Variants in TMEM106B observed in about 807,000 individuals in gnomAD.
TMEM106B encodes the protein transmembrane protein 106B.
A neutral mutation model predicts 31.1 loss-of-function variants in TMEM106B; 15 were observed. The observed-to-expected ratio is 0.48, with a 90% CI of 0.32 to 0.74. TMEM106B has a LOEUF of 0.74. Ranked by LOEUF, TMEM106B falls within the 30% of genes least tolerant of loss-of-function variation. TMEM106B has a pLI of 0.03. For missense variants in TMEM106B, 283 were observed against 327.3 expected, an observed-to-expected ratio of 0.86 and a Z score of 1.04; for synonymous variants, 126 against 112.5, an observed-to-expected ratio of 1.12 and a Z score of -0.76.
At position 12,229,780 on chromosome 7, in the gene TMEM106B, A is replaced by C. The variant is rs775983188; in HGVS notation, c.543A>C (p.Leu181Phe). The change falls in exon 5 of 8, where the codon TTA becomes TTC. Residue 181 changes from leucine to phenylalanine, a missense_variant. Around this residue, in one of 3 missense-constraint regions of TMEM106B, gnomAD observed 201 missense variants for 211.5 expected, o/e 0.95. Transcript: ENST00000396668. The part of the protein sequence containing the change: ...FSKTVIGKAR[L>F]NNITIIGPLD... ...AAACAGTTATTGGAAAGGCACGCTT[A>C]AACAACATAACCATTATTGGTCCAC... 3.1e-6 allele frequency: 5 copies of C among 1,611,450 alleles called. No individual in the cohort carries two copies. Among genetic ancestry groups the C allele is most frequent in the African/African-American group, 1.3e-5 (1 of 74,822 alleles).
chr7:12,215,401 ATT>A (rs536072939), intron 2 of TMEM106B, among the ~76,000 whole-genome samples: 28 of 135,430 alleles, frequency 2.1e-4, no homozygotes, highest in Admixed American at 2.2e-4. Flanking sequence ...TTGTTGACCT[ATT>A]TTTTTTTTTT....
At chr7:12,213,864 G>A (rs1372293811) in intron 1 of TMEM106B, among the ~76,000 whole-genome samples, 1 of 152,108 alleles carries the variant, frequency 6.6e-6, no homozygotes, top group African/African-American at 2.4e-5. Context: ...CTCTGTCAAG[G>A]GCATTCCAAA....
At position 12,211,388 on chromosome 7, in the gene TMEM106B, C is replaced by G. The variant is rs1781570033; in HGVS notation, c.-40C>G. The G allele has an allele frequency of 6.6e-6, 1 of 152,412 alleles. No homozygotes were observed. The highest frequency in any genetic ancestry group is 2.4e-5 in the African/African-American group (1 of 41,478). 9.4% of individuals were successfully genotyped at this position (152,412 alleles called of 1,614,324 possible). A position where few individuals can be genotyped will look rare whatever the true frequency, so the allele number is the denominator to read the frequency against. Reference sequence around the variant, plus strand: ...GACCCTGTCCTCGGCCCTGTCCGCGCCGAAGCAGCCCGGGACTGCGCAGCG... The same window carrying G: ...GACCCTGTCCTCGGCCCTGTCCGCGGCGAAGCAGCCCGGGACTGCGCAGCG... On this transcript the variant is annotated 5_prime_UTR_variant, in exon 1 of 8. Coordinates refer to ENST00000396668, the MANE Select transcript of TMEM106B (RefSeq NM_001134232.2).
intron 1 of TMEM106B, among the ~76,000 whole-genome samples, chr7:12,212,773 C>T (rs752232006): frequency 2.6e-5 from 4 of 152,056 alleles, no homozygotes; most frequent in Non-Finnish European, 4.4e-5. Flanking sequence ...TCAGGCATGC[C>T]AGTTCTAGAA....
At chr7:12,224,479 T>C in intron 4 of TMEM106B, 94 bp downstream of exon 4, 2 of 1,017,402 alleles carry the variant, frequency 2.0e-6, no homozygotes, top group Non-Finnish European at 2.9e-6. Context: ...GTTTGTTAAA[T>C]GTGACACTGG....
At position 12,229,669 on chromosome 7, in the gene TMEM106B, T is replaced by A. The variant is rs1156369883; in HGVS notation, c.442-10T>A. ...CTAACTTGTAAATTTTCTGTGTCCT[T>A]TTTTTGTAGAACACACTAAATATAA... On this transcript the variant is annotated splice_polypyrimidine_tract_variant and intron_variant, in intron 4 of 7. Coordinates refer to ENST00000396668, the MANE Select transcript of TMEM106B (RefSeq NM_001134232.2). The A allele has an allele frequency of 2.6e-6, 4 of 1,536,106 alleles. No individual in the cohort carries two copies. The highest frequency in any genetic ancestry group is 2.6e-6 in the Non-Finnish European group (3 of 1,143,978).
At chr7:12,230,669 T>C in intron 6 of TMEM106B, 1 of 356,786 alleles carries the variant, frequency 2.8e-6, no homozygotes, top group Non-Finnish European at 4.9e-6. Flanking sequence ...GGTTATACCA[T>C]GTCACTTTAT....
At chr7:12,218,362 A>T in intron 2 of TMEM106B, 96 bp from the exon 3 acceptor site, 1 of 947,438 alleles carries the variant, frequency 1.1e-6, no homozygotes, top group South Asian at 1.5e-5. Flanking sequence ...TGAGTGCCAG[A>T]TGATATTCTG....
Position 12,239,176 on chromosome 7 carries a change from A to G in TMEM106B, c.*7201A>G, listed in dbSNP as rs980280462. The stretch of plus-strand genomic sequence containing the variant: ...ACTTACTGCTTCACCTTGCACTTTT[A>G]TATTATGGAAACAACTTATCTCCTT... On this transcript the variant is annotated 3_prime_UTR_variant, in exon 8 of 8. Coordinates refer to ENST00000396668, the MANE Select transcript of TMEM106B (RefSeq NM_001134232.2). 4 of 152,130 alleles carry G rather than the reference A, an allele frequency of 2.6e-5. No individual in the cohort carries two copies. Among genetic ancestry groups the G allele is most frequent in the Non-Finnish European group, 5.9e-5 (4 of 68,010 alleles). The allele number at this position is 152,130 out of a possible 1,614,324, so 9.4% of individuals were successfully genotyped here. A position where few individuals can be genotyped will look rare whatever the true frequency, so the allele number is the denominator to read the frequency against.
intron 1 of TMEM106B, among the ~76,000 whole-genome samples, chr7:12,212,287 G>T (rs942421571): frequency 2.0e-5 from 3 of 152,118 alleles, no homozygotes; most frequent in African/African-American, 7.2e-5. Flanking sequence ...CAGAAAGAGT[G>T]CCCTTAAGGC....
At chr7:12,228,679 A>G (rs1368432377) in intron 4 of TMEM106B, among the ~76,000 whole-genome samples, 2 of 152,144 alleles carry the variant, frequency 1.3e-5, no homozygotes, top group East Asian at 3.9e-4. Context: ...TAATGTATAT[A>G]ACTAAATTAC....
chr7:12,229,637 T>A lies in TMEM106B; in HGVS notation c.442-42T>A, dbSNP rs1329081287. The A allele has an allele frequency of 1.3e-6, 2 of 1,484,696 alleles. 1 individual carries two copies. The highest frequency in any genetic ancestry group is 1.8e-6 in the Non-Finnish European group (2 of 1,102,540). The allele number at this position is 1,484,696 out of a possible 1,614,324, so 92.0% of individuals were successfully genotyped here. A position where few individuals can be genotyped will look rare whatever the true frequency, so the allele number is the denominator to read the frequency against. On this transcript the variant is annotated intron_variant, in intron 4 of 7. Coordinates refer to ENST00000396668, the MANE Select transcript of TMEM106B (RefSeq NM_001134232.2). ...TTAATTTTAAATACATATTTGTATA[T>A]TTTTAGCTAACTTGTAAATTTTCTG...
intron 6 of TMEM106B, 154 bp from the exon 7 acceptor site, chr7:12,230,908 A>C (rs1782008683): frequency 9.6e-6 from 5 of 523,350 alleles, no homozygotes; most frequent in Non-Finnish European, 1.3e-5. Flanking sequence ...AGAAGTCATG[A>C]ATATATCAGT....
chr7:12,220,060 A>G (rs1781758484), intron 3 of TMEM106B, among the ~76,000 whole-genome samples: 1 of 152,204 alleles, frequency 6.6e-6, no homozygotes, highest in South Asian at 2.1e-4. Context: ...TAAATGTTAG[A>G]AAATCAGATT....
chr7:12,230,868 T>C (rs1034897164), intron 6 of TMEM106B, 194 bp from the exon 7 acceptor site: 8 of 427,742 alleles, frequency 1.9e-5, no homozygotes, highest in African/African-American at 1.6e-4. Context: ...GCAACTGCAG[T>C]GGCATGAATA....
Position 12,211,358 on chromosome 7 carries a change from T to TCCA in TMEM106B, c.-68_-66dup, listed in dbSNP as rs1437664648. On this transcript the variant is annotated 5_prime_UTR_variant, in exon 1 of 8. Coordinates refer to ENST00000396668, the MANE Select transcript of TMEM106B (RefSeq NM_001134232.2). ...CCCCCCGGCTCCCGGGACTGTGGAC[T>TCCA]CCACGACCCTGTCCTCGGCCCTGTC... The TCCA allele has an allele frequency of 1.3e-5, 2 of 152,438 alleles. No individual in the cohort carries two copies. The highest frequency in any genetic ancestry group is 4.8e-5 in the African/African-American group (2 of 41,590). 9.4% of individuals were successfully genotyped at this position (152,438 alleles called of 1,614,324 possible).
At chr7:12,214,623 G>C (rs1385170580) in intron 1 of TMEM106B, among the ~76,000 whole-genome samples, 186 bp from the exon 2 acceptor site, 1 of 152,142 alleles carries the variant, frequency 6.6e-6, no homozygotes, top group African/African-American at 2.4e-5. Context: ...CATTTTCTCA[G>C]GACCTGTTGA....
intron 3 of TMEM106B, among the ~76,000 whole-genome samples, chr7:12,223,989 G>A (rs1781843963): frequency 6.6e-6 from 1 of 152,078 alleles, no homozygotes; most frequent in Non-Finnish European, 1.5e-5. Context: ...AAAGTGCTGG[G>A]ATTACAGGCG....
intron 4 of TMEM106B, among the ~76,000 whole-genome samples, chr7:12,224,867 C>T (rs534104747): frequency 4.0e-5 from 6 of 150,648 alleles, no homozygotes; most frequent in East Asian, 1.9e-4. Flanking sequence ...GTGAAAATGC[C>T]GTGTTTTTTT....
Sources: gnomAD v4.1 joint callset for allele counts (sites outside exome capture counted in the v4.1 genomes callset) on GRCh38, gnomAD v4.1.1 for gene constraint, gnomAD v4.1.1 regional missense constraint, MANE v1.5 for transcripts, NCBI Gene and HGNC (gene_info 2026-07-23, HGNC 2026-07-21) for gene names.